The following PCDH7 variants were observed in gnomAD, a reference collection of about 807,000 sequenced individuals.
The protein encoded by PCDH7 is protocadherin-7.
In PCDH7, 17 loss-of-function variants were observed where a neutral mutation model predicts 58.9. The observed-to-expected ratio is 0.29, with a 90% confidence interval of 0.20 to 0.43. The LOEUF (loss-of-function observed/expected upper bound fraction) is 0.43. Ranked by LOEUF, PCDH7 falls within the 20% of genes least tolerant of loss-of-function variation. The pLI, the probability that PCDH7 is intolerant of heterozygous loss-of-function variation, is 1.00. For synonymous variants in PCDH7, 664 were observed against 616.4 expected (o/e 1.08, Z -1.14); for missense variants, 1,274 against 1,441.0 (o/e 0.88, Z 1.88).
At chr4:30,998,881 A>G (rs999109740) in intron 3 of PCDH7, among the ~76,000 whole-genome samples, 2 of 152,122 alleles carry the variant, frequency 1.3e-5, no homozygotes, top group Non-Finnish European at 2.9e-5. Context: ...ATGCAATTGG[A>G]AAGGAAGCTG....
At chr4:31,036,450 A>C (rs1452488591) in intron 3 of PCDH7, among the ~76,000 whole-genome samples, 2 of 152,140 alleles carry the variant, frequency 1.3e-5, no homozygotes, top group Non-Finnish European at 2.9e-5. Flanking sequence ...GGCCTCCCAC[A>C]GTGCTGGGAT....
chr4:30,986,525 T>A (rs1750980671), intron 3 of PCDH7, among the ~76,000 whole-genome samples: 1 of 151,996 alleles, frequency 6.6e-6, no homozygotes, highest in South Asian at 2.1e-4. Flanking sequence ...GTCAGAGACG[T>A]GTAGATAATC....
intron 3 of PCDH7, among the ~76,000 whole-genome samples, chr4:31,019,312 A>T (rs1026793396): frequency 6.6e-6 from 1 of 152,222 alleles, no homozygotes; most frequent in African/African-American, 2.4e-5. Flanking sequence ...ATTAAAAAGC[A>T]TGATCATATT....
intron 1 of PCDH7, among the ~76,000 whole-genome samples, chr4:30,881,132 C>T (rs1028692273): frequency 6.6e-6 from 1 of 152,140 alleles, no homozygotes; most frequent in African/African-American, 2.4e-5. Flanking sequence ...CTTGACCAAT[C>T]ACTCTGGCAA....
intron 3 of PCDH7, among the ~76,000 whole-genome samples, chr4:31,069,271 G>A (rs1758344725): frequency 6.6e-6 from 1 of 152,004 alleles, no homozygotes; most frequent in Admixed American, 6.6e-5. Context: ...AAACACTAAT[G>A]CATGGAGAAA....
At chr4:30,951,332 A>G (rs147838363) in intron 3 of PCDH7, among the ~76,000 whole-genome samples, 2 of 152,292 alleles carry the variant, frequency 1.3e-5, no homozygotes, top group East Asian at 3.9e-4. Context: ...GAGAAATTGA[A>G]AAGGGAATGG....
exon 2 of PCDH7, chr4:30,730,946 A>G (rs1312892856): frequency 2.3e-6 from 3 of 1,312,270 alleles, no homozygotes; most frequent in Non-Finnish European, 9.8e-7. Flanking sequence ...TTTCTCATAT[A>G]CAGAAAAATA....
intron 3 of PCDH7, among the ~76,000 whole-genome samples, chr4:31,063,779 T>C (rs990940565): frequency 6.6e-6 from 1 of 151,954 alleles, no homozygotes; most frequent in Admixed American, 6.6e-5. Flanking sequence ...GAACAGGTGT[T>C]AGATATTGAC....
intron 2 of PCDH7, among the ~76,000 whole-genome samples, chr4:30,936,804 T>C (rs1745393931): frequency 6.6e-6 from 1 of 152,234 alleles, no homozygotes; most frequent in Non-Finnish European, 1.5e-5. Flanking sequence ...ATTTGCTTGT[T>C]TGTTTCAGAA....
chr4:30,962,333 G>A (rs901984170), intron 3 of PCDH7, among the ~76,000 whole-genome samples: 2 of 152,174 alleles, frequency 1.3e-5, no homozygotes, highest in East Asian at 3.8e-4. Flanking sequence ...CACATGCCAA[G>A]ATGTATCAGC....
At chr4:31,051,193 C>G (rs1287309676) in intron 3 of PCDH7, among the ~76,000 whole-genome samples, 2 of 152,072 alleles carry the variant, frequency 1.3e-5, no homozygotes, top group African/African-American at 4.8e-5. Flanking sequence ...TCATCACAGC[C>G]CCACCTTACA....
rs184846246 is a variant in PCDH7, at chr4:30,751,783, A to G, written c.70+27187A>G. On this transcript the variant is annotated intron_variant, in intron 1 of 3. Transcript: ENST00000509759. Reference sequence around the variant, plus strand: ...TTTTGAAGGAATTTCAACTTAATAAATATATTTTAATAGGGCTATACATTT... The same window carrying G: ...TTTTGAAGGAATTTCAACTTAATAAGTATATTTTAATAGGGCTATACATTT... Among the ~76,000 whole-genome samples the G allele has an allele frequency of 7.1e-4, 108 of 152,270 alleles. 2 individuals carry two copies. The highest frequency in any genetic ancestry group is 6.8e-3 in the Middle Eastern group (2 of 294).
At position 30,742,535 on chromosome 4, in the gene PCDH7, G is replaced by A. The variant is rs1290590529; in HGVS notation, c.70+17939G>A. On this transcript the variant is annotated intron_variant, in intron 1 of 3. Coordinates refer to the PCDH7 transcript ENST00000509759. ...ATGCATTTCTCTTTAGAAATGCTGG[G>A]TTCTACATTTTAAGCTACAGAGATG... 2.6e-5 allele frequency among the ~76,000 whole-genome samples: 4 copies of A among 152,214 alleles called. No homozygotes were observed. The East Asian group carries it at 7.7e-4, about 29-fold the overall frequency.
At chr4:31,119,144 T>C (rs1412181407) in intron 3 of PCDH7, among the ~76,000 whole-genome samples, 1 of 152,212 alleles carries the variant, frequency 6.6e-6, no homozygotes, top group Non-Finnish European at 1.5e-5. Context: ...TCTTTCTTCA[T>C]GATGGGAAAT....
At chr4:30,998,283 G>A (rs1239779559) in intron 3 of PCDH7, among the ~76,000 whole-genome samples, 1 of 152,062 alleles carries the variant, frequency 6.6e-6, no homozygotes, top group Non-Finnish European at 1.5e-5. Flanking sequence ...TTGATCTCTG[G>A]AGAGTGGAAT....
intron 1 of PCDH7, among the ~76,000 whole-genome samples, chr4:30,898,153 G>A (rs1339247560): frequency 6.6e-6 from 1 of 152,146 alleles, no homozygotes; most frequent in African/African-American, 2.4e-5. Context: ...TAGCCTCAGG[G>A]GGAAAAACTG....
chr4:31,084,205 G>A (rs67840794), intron 3 of PCDH7, among the ~76,000 whole-genome samples: 36,269 of 151,932 alleles, frequency 0.24, 4,591 homozygotes, highest in Admixed American at 0.32. Context: ...CTATTTTATG[G>A]ACATATAAAA....
chr4:31,050,281 T>C (rs1014026354), intron 3 of PCDH7, among the ~76,000 whole-genome samples: 2 of 152,100 alleles, frequency 1.3e-5, no homozygotes, highest in Non-Finnish European at 2.9e-5. Context: ...GATTTTGGAA[T>C]TGGATGTTGA....
At chr4:30,964,781 ACT>A (rs1748853037) in intron 3 of PCDH7, among the ~76,000 whole-genome samples, 1 of 152,116 alleles carries the variant, frequency 6.6e-6, no homozygotes, top group Non-Finnish European at 1.5e-5. Flanking sequence ...TCATGTACAA[ACT>A]AAAAAGTCCT....
Sources: gnomAD v4.1 joint callset for allele counts (sites outside exome capture counted in the v4.1 genomes callset) on GRCh38, gnomAD v4.1.1 for gene constraint, MANE v1.5 for transcripts, NCBI Gene and HGNC (gene_info 2026-07-23, HGNC 2026-07-21) for gene names.